DGKI: variants seen among roughly 807,000 people sequenced by gnomAD.
The protein encoded by DGKI is DAG kinase iota.
In DGKI, 55 loss-of-function variants were observed where a neutral mutation model predicts 147.5. The observed-to-expected ratio is 0.37, with a 90% CI of 0.30 to 0.47. DGKI has a LOEUF of 0.47. Ranked by LOEUF, DGKI falls within the 20% of genes least tolerant of loss-of-function variation. The pLI is 1.00. For missense variants in DGKI, 1,007 were observed against 1,323.8 expected, an observed-to-expected ratio of 0.76 and a Z score of 3.71; for synonymous variants, 469 against 477.1, an observed-to-expected ratio of 0.98 and a Z score of 0.22.
At chr7:137,513,084 CT>C (rs898730328) in intron 21 of DGKI, among the ~76,000 whole-genome samples, 1 of 152,166 alleles carries the variant, frequency 6.6e-6, no homozygotes, top group African/African-American at 2.4e-5. Flanking sequence ...AAACCTTCCT[CT>C]TTTTTTCCAG....
At chr7:137,518,621 C>T (rs1030208873) in intron 21 of DGKI, among the ~76,000 whole-genome samples, 4 of 152,126 alleles carry the variant, frequency 2.6e-5, no homozygotes, top group East Asian at 1.9e-4. Flanking sequence ...GTTTCTACTG[C>T]TTGTGTTTTA....
At chr7:137,681,826 G>T (rs1037339695) in intron 2 of DGKI, among the ~76,000 whole-genome samples, 1 of 152,260 alleles carries the variant, frequency 6.6e-6, no homozygotes, top group African/African-American at 2.4e-5. Flanking sequence ...CCTGATAAAA[G>T]TGTTTTTGTT....
At chr7:137,621,876 T>G (rs962821910) in intron 7 of DGKI, among the ~76,000 whole-genome samples, 2 of 152,204 alleles carry the variant, frequency 1.3e-5, no homozygotes, top group African/African-American at 4.8e-5. Flanking sequence ...AGCACACCGC[T>G]GCCCAGAAGG....
intron 2 of DGKI, among the ~76,000 whole-genome samples, chr7:137,688,992 T>C (rs969014480): frequency 6.6e-6 from 1 of 152,112 alleles, no homozygotes; most frequent in African/African-American, 2.4e-5. Context: ...AAAATAAGGA[T>C]ATTAATAAGT....
At chr7:137,521,413 T>G (rs958879483) in intron 21 of DGKI, among the ~76,000 whole-genome samples, 1 of 152,106 alleles carries the variant, frequency 6.6e-6, no homozygotes, top group African/African-American at 2.4e-5. Flanking sequence ...GGCCCTTCTC[T>G]GACATTATAT....
intron 28 of DGKI, among the ~76,000 whole-genome samples, chr7:137,425,804 G>A (rs1812777919): frequency 6.6e-6 from 1 of 152,108 alleles, no homozygotes; most frequent in African/African-American, 2.4e-5. Flanking sequence ...TATCAGTGAT[G>A]GAAGATGAAG....
rs151110661 is a variant in DGKI at position 137,500,616 on chromosome 7, G to T, written c.2249-12927C>A. 9.5e-3 allele frequency among the ~76,000 whole-genome samples: 1,450 copies of T among 152,058 alleles called. 21 individuals are homozygous for T. Among genetic ancestry groups the T allele is most frequent in the African/African-American group, 0.033 (1,382 of 41,490 alleles). ...TAGATTTCACCACAAATTGTAAACA[G>T]CCAGATAATAAATCAAGCTCAGGGA... On this transcript the variant is annotated intron_variant, in intron 21 of 32. Transcript: ENST00000614521.
rs533427463 is a variant in DGKI at position 137,691,150 on chromosome 7, C to T, written c.402-1148G>A. 2.6e-5 allele frequency among the ~76,000 whole-genome samples: 4 copies of T among 152,272 alleles called. No individual in the cohort carries two copies. The East Asian group carries it at 7.7e-4, about 29-fold the overall frequency. On this transcript the variant is annotated intron_variant, in intron 1 of 32. Transcript: ENST00000614521. ...AGGCACAGGAAGCTGCATTTACACACACTCCTAAGGTTCTCTTCTGTGCAC... is the reference window on the plus strand; with the variant it reads ...AGGCACAGGAAGCTGCATTTACACATACTCCTAAGGTTCTCTTCTGTGCAC...
At chr7:137,685,640 C>G (rs2116431842) in intron 2 of DGKI, among the ~76,000 whole-genome samples, 1 of 152,288 alleles carries the variant, frequency 6.6e-6, no homozygotes, top group Middle Eastern at 3.4e-3. Context: ...TCCTTCCTTT[C>G]TAGTAATTTA....
chr7:137,502,952 C>T (rs1234389495), intron 21 of DGKI, among the ~76,000 whole-genome samples: 2 of 152,036 alleles, frequency 1.3e-5, no homozygotes, highest in African/African-American at 4.8e-5. Context: ...TTCACAAGCA[C>T]TAGGGAAAGG....
intron 1 of DGKI, among the ~76,000 whole-genome samples, chr7:137,744,008 T>C (rs117781943): frequency 0.031 from 4,277 of 137,424 alleles, 174 homozygotes; most frequent in East Asian, 0.16. Context: ...AAAAAACTAA[T>C]CCCAAAGCTA....
chr7:137,540,323 A>G (rs764034893), intron 20 of DGKI, among the ~76,000 whole-genome samples: 1 of 152,190 alleles, frequency 6.6e-6, no homozygotes, highest in Admixed American at 6.5e-5. Context: ...CTTATTCAAC[A>G]TTGTACTCTA....
chr7:137,444,641 G>T (rs189351963), intron 27 of DGKI, among the ~76,000 whole-genome samples: 1 of 152,166 alleles, frequency 6.6e-6, no homozygotes, highest in Admixed American at 6.5e-5. Context: ...CTCAGAACCC[G>T]GGAGAAACAG....
chr7:137,534,426 C>T (rs1167885287), intron 20 of DGKI, among the ~76,000 whole-genome samples: 2 of 151,764 alleles, frequency 1.3e-5, no homozygotes, highest in African/African-American at 4.8e-5. Context: ...CTTTTCCTTC[C>T]CGTTTATAGT....
chr7:137,487,576 TGAG>T (rs1815609895), intron 22 of DGKI, 31 bp downstream of exon 22: 3 of 1,567,480 alleles, frequency 1.9e-6, no homozygotes, highest in Non-Finnish European at 2.6e-6. Flanking sequence ...AATGGAAAGT[TGAG>T]GAGAATAAAA....
chr7:137,763,775 C>T (rs1002382610), intron 1 of DGKI, among the ~76,000 whole-genome samples: 1 of 152,246 alleles, frequency 6.6e-6, no homozygotes, highest in African/African-American at 2.4e-5. Flanking sequence ...TGTTTCCTTA[C>T]ACCTTCCTCA....
chr7:137,466,060 G>T (rs762733340), intron 25 of DGKI, 25 bp from the exon 26 acceptor site: 27 of 1,611,270 alleles, frequency 1.7e-5, no homozygotes, highest in Non-Finnish European at 2.3e-5. Context: ...GAAGTCTGTT[G>T]CATGAAGAAT....
chr7:137,517,305 AAGAAAGAAAGAAAGAAAG>A (rs1563063884), intron 21 of DGKI, among the ~76,000 whole-genome samples: 70 of 139,618 alleles, frequency 5.0e-4, no homozygotes, highest in African/African-American at 1.6e-3. Context: ...GAAAGAAAGA[AAGAAAGAAAGAAAGAAAG>A]AAAGAAAGAA....
At chr7:137,440,837 C>T (rs1176611320) in intron 28 of DGKI, among the ~76,000 whole-genome samples, 2 of 152,150 alleles carry the variant, frequency 1.3e-5, no homozygotes, top group South Asian at 2.1e-4. Context: ...TCATTTAGAC[C>T]TTGTGTTGCC....
Sources: allele counts gnomAD v4.1 joint callset (sites outside exome capture counted in the v4.1 genomes callset), GRCh38; gene constraint gnomAD v4.1.1; transcripts MANE v1.5; gene names NCBI Gene and HGNC (gene_info 2026-07-23, HGNC 2026-07-21).